The following ATF1 variants were observed in gnomAD, a reference collection of about 807,000 sequenced individuals.
ATF1 encodes the protein cyclic AMP-dependent transcription factor ATF-1.
A neutral mutation model predicts 34.7 loss-of-function variants in ATF1; 16 were observed. That is an observed-to-expected ratio of 0.46 (90% confidence interval 0.31 to 0.70). ATF1 has a LOEUF of 0.70. Among genes scored for constraint, ATF1 ranks in the 30% least tolerant of loss-of-function variants. The pLI is 0.05. For missense variants in ATF1, 255 were observed against 321.6 expected (o/e 0.79, Z 1.58); for synonymous variants, 105 against 113.1 (o/e 0.93, Z 0.46).
chr12:50,788,388 G>A (rs914622443), intron 2 of ATF1: 4 of 343,956 alleles, frequency 1.2e-5, no homozygotes, highest in South Asian at 8.7e-5. Context: ...GTTTTGCAGT[G>A]TTGCCCAGGC....
At chr12:50,773,444 C>CTT (rs71086476) in intron 1 of ATF1, among the ~76,000 whole-genome samples, 24,004 of 89,522 alleles carry the variant, frequency 0.27, 5,057 homozygotes, top group Middle Eastern at 0.39. Flanking sequence ...AATTGCCATT[C>CTT]TTTTTTTTTT....
chr12:50,813,057 T>G (rs920754557), intron 4 of ATF1, among the ~76,000 whole-genome samples: 1 of 152,188 alleles, frequency 6.6e-6, no homozygotes, highest in African/African-American at 2.4e-5. Context: ...GATGAGGCAT[T>G]CGATTCTGAA....
chr12:50,795,962 C>G lies in ATF1; in HGVS notation c.147C>G (p.Gly49=), dbSNP rs758520634. 7.4e-6 allele frequency: 12 copies of G among 1,612,924 alleles called. No homozygotes were observed. The highest frequency in any genetic ancestry group is 1.0e-5 in the Non-Finnish European group (12 of 1,179,784). ...EESQDSSDSI[G]SSQKAHGILA... Reference sequence around the variant, plus strand: ...CCCAGGACTCATCCGACAGCATAGGCTCCTCACAGAAAGCCCACGGGATCC... The same window carrying G: ...CCCAGGACTCATCCGACAGCATAGGGTCCTCACAGAAAGCCCACGGGATCC... Residue 49 remains glycine, a synonymous_variant, in exon 3 of 7, where the codon GGC becomes GGG. Transcript: ENST00000262053.
intron 1 of ATF1, among the ~76,000 whole-genome samples, chr12:50,776,040 C>T (rs145899621): frequency 2.7e-3 from 412 of 152,076 alleles, no homozygotes; most frequent in Non-Finnish European, 3.6e-3. Flanking sequence ...AGGCTGGGCA[C>T]GGTGGCTCAC....
At chr12:50,797,635 A>AT (rs1941434327) in intron 3 of ATF1, among the ~76,000 whole-genome samples, 1 of 151,572 alleles carries the variant, frequency 6.6e-6, no homozygotes, top group Non-Finnish European at 1.5e-5. Flanking sequence ...TGCCCACCTA[A>AT]TTTTTTTTAA....
rs765177773 is a variant in ATF1, at chr12:50,819,624, C to CTCA, written c.672-9_672-7dup. 3.6e-4 allele frequency: 574 copies of CTCA among 1,606,908 alleles called. No homozygotes were observed. The highest frequency in any genetic ancestry group is 4.8e-4 in the Non-Finnish European group (560 of 1,178,064). On this transcript the variant is annotated splice_polypyrimidine_tract_variant and intron_variant, in intron 6 of 6. Coordinates refer to ENST00000262053, the MANE Select transcript of ATF1 (RefSeq NM_005171.5). ...TTTTTCTAACATTGTTTTTTTAATG[C>CTCA]TCATATTTAGAGAAGCTGCTCGAGA...
intron 2 of ATF1, among the ~76,000 whole-genome samples, chr12:50,792,204 T>C (rs1357010211): frequency 6.6e-6 from 1 of 152,192 alleles, no homozygotes; most frequent in Non-Finnish European, 1.5e-5. Flanking sequence ...ATTATAACTC[T>C]TACTCTATTT....
intron 4 of ATF1, among the ~76,000 whole-genome samples, chr12:50,812,346 GGGAA>G (rs1941754612): frequency 6.6e-6 from 1 of 152,162 alleles, no homozygotes; most frequent in Non-Finnish European, 1.5e-5. Context: ...GGAAAATAAT[GGGAA>G]GGATGTGCAC....
chr12:50,792,081 C>T (rs1941313494), intron 2 of ATF1, among the ~76,000 whole-genome samples: 1 of 152,110 alleles, frequency 6.6e-6, no homozygotes, highest in African/African-American at 2.4e-5. Flanking sequence ...CTTCCAGTCC[C>T]CTAACTCCTG....
Position 50,820,833 on chromosome 12 carries a change from A to G in ATF1, c.*1054A>G. ...ATATTTTTATAGCTGATCTTTATAA[A>G]TTCTAATGTTGAGTTTTTAATGATT... On this transcript the variant is annotated 3_prime_UTR_variant, in exon 7 of 7. Coordinates refer to ENST00000262053, the MANE Select transcript of ATF1 (RefSeq NM_005171.5). The G allele has an allele frequency of 5.6e-6, 1 of 179,498 alleles. No homozygotes were observed. The highest frequency in any genetic ancestry group is 1.2e-5 in the Non-Finnish European group (1 of 83,496). 11.1% of individuals were successfully genotyped at this position (179,498 alleles called of 1,614,324 possible).
chr12:50,810,649 C>T (rs143670376), intron 4 of ATF1, among the ~76,000 whole-genome samples: 8 of 152,320 alleles, frequency 5.3e-5, no homozygotes, highest in African/African-American at 1.9e-4. Context: ...AGATTGAGTT[C>T]TGTCACCCTA....
intron 1 of ATF1, among the ~76,000 whole-genome samples, chr12:50,766,072 G>A (rs1364946694): frequency 1.3e-5 from 2 of 152,122 alleles, no homozygotes. Flanking sequence ...GGATCAGGAC[G>A]CCTGTCCTGT....
intron 2 of ATF1, among the ~76,000 whole-genome samples, chr12:50,795,272 A>G (rs1375909242): frequency 1.3e-5 from 2 of 152,026 alleles, no homozygotes; most frequent in Non-Finnish European, 2.9e-5. Context: ...CAGCTCAATC[A>G]TTTGGTTCTC....
intron 6 of ATF1, among the ~76,000 whole-genome samples, chr12:50,815,536 C>A (rs1436836213): frequency 6.6e-6 from 1 of 150,892 alleles, no homozygotes; most frequent in African/African-American, 2.4e-5. Context: ...CAGATGTATA[C>A]CACCACACCC....
At chr12:50,783,066 A>AT (rs796857646) in intron 2 of ATF1, among the ~76,000 whole-genome samples, 53 of 151,998 alleles carry the variant, frequency 3.5e-4, no homozygotes, top group Admixed American at 1.4e-3. Flanking sequence ...TCTCTCACTA[A>AT]TTTTTTTTGA....
intron 3 of ATF1, among the ~76,000 whole-genome samples, chr12:50,808,002 G>A (rs1380619757): frequency 6.6e-6 from 1 of 152,006 alleles, no homozygotes; most frequent in East Asian, 1.9e-4. Flanking sequence ...TAGAGATGGG[G>A]TTTTGCCAAG....
intron 2 of ATF1, among the ~76,000 whole-genome samples, chr12:50,782,172 C>T (rs1565904151): frequency 6.6e-6 from 1 of 152,116 alleles, no homozygotes; most frequent in Non-Finnish European, 1.5e-5. Flanking sequence ...TCAACCAAAA[C>T]AATGTATGAT....
chr12:50,793,316 G>T (rs1941342408), intron 2 of ATF1, among the ~76,000 whole-genome samples: 1 of 152,140 alleles, frequency 6.6e-6, no homozygotes, highest in African/African-American at 2.4e-5. Context: ...TGTAGTTAAA[G>T]AATTAGATTA....
At chr12:50,781,871 T>C (rs2139652055) in intron 2 of ATF1, among the ~76,000 whole-genome samples, 1 of 145,096 alleles carries the variant, frequency 6.9e-6, no homozygotes, top group East Asian at 2.0e-4. Flanking sequence ...GCTATAATCA[T>C]GCCACTGCAC....
Sources: allele counts gnomAD v4.1 joint callset (sites outside exome capture counted in the v4.1 genomes callset), GRCh38; gene constraint gnomAD v4.1.1; transcripts MANE v1.5; gene names NCBI Gene and HGNC (gene_info 2026-07-23, HGNC 2026-07-21).